Variants in FBXL18 observed in about 807,000 individuals in gnomAD.
FBXL18 encodes the protein F-box and leucine rich repeat protein 18.
FBXL18 carries 36 observed loss-of-function variants against 46.0 expected under a neutral mutation model. The observed-to-expected ratio is 0.78, with a 90% CI of 0.60 to 1.03. The LOEUF (loss-of-function observed/expected upper bound fraction) is 1.03, where lower values mean the gene tolerates loss of function less well. FBXL18 is among the 50% of genes least tolerant of loss of function. FBXL18 has a pLI of 0.00. For synonymous variants in FBXL18, 557 were observed against 465.3 expected (o/e 1.20, Z -2.54); for missense variants, 977 against 1,004.1 (o/e 0.97, Z 0.36).
intron 3 of FBXL18, among the ~76,000 whole-genome samples, chr7:5,500,169 T>G (rs1313323405): frequency 6.6e-6 from 1 of 151,384 alleles, no homozygotes; most frequent in Non-Finnish European, 1.5e-5. Context: ...CCCCACCTAC[T>G]GGCTCTGCTG....
chr7:5,483,096 C>T (rs1320776056), intron 4 of FBXL18, among the ~76,000 whole-genome samples: 1 of 151,428 alleles, frequency 6.6e-6, no homozygotes, highest in Non-Finnish European at 1.5e-5. Flanking sequence ...AAGTGCCAGC[C>T]CGGGAGCTCC....
At chr7:5,485,452 G>A (rs936592508) in intron 4 of FBXL18, among the ~76,000 whole-genome samples, 1 of 152,170 alleles carries the variant, frequency 6.6e-6, no homozygotes, top group Middle Eastern at 3.2e-3. Flanking sequence ...GGCGAGATGT[G>A]CCTCTCTCAA....
chr7:5,497,310 C>T (rs1470724033), intron 3 of FBXL18, among the ~76,000 whole-genome samples: 1 of 152,114 alleles, frequency 6.6e-6, no homozygotes, highest in African/African-American at 2.4e-5. Flanking sequence ...GTCGCCCGTC[C>T]TGGTTCTCCA....
In FBXL18 at chr7:5,500,887, C is replaced by T. The variant is rs769260579; in HGVS notation, c.1382G>A (p.Ser461Asn). Reference sequence around the variant, plus strand: ...GGGGCACGCCTGGCCCGAGAAGGGGCTGGGACAGGACTGCACGCCCACACG... The same window carrying T: ...GGGGCACGCCTGGCCCGAGAAGGGGTTGGGACAGGACTGCACGCCCACACG... The part of the protein sequence containing the change: ...KVRVGVQSCP[S>N]PFSGQACPQP... Residue 461 changes from serine (S) to asparagine (N), a missense_variant, in exon 3 of 5, where the codon AGC (serine) becomes AAC (asparagine). Coordinates refer to ENST00000382368, the MANE Select transcript of FBXL18 (RefSeq NM_024963.6). 6.3e-7 allele frequency: 1 copy of T among 1,595,352 alleles called. No individual in the cohort carries two copies. The highest frequency in any genetic ancestry group is 8.6e-7 in the Non-Finnish European group (1 of 1,169,250).
chr7:5,490,124 G>A (rs536896482), intron 4 of FBXL18: 11 of 1,360,784 alleles, frequency 8.1e-6, no homozygotes, highest in South Asian at 3.4e-5. Flanking sequence ...CAGGGTTGTC[G>A]GCGCCCAGTG....
chr7:5,504,981 C>T (rs937697991), intron 2 of FBXL18, among the ~76,000 whole-genome samples: 8 of 137,580 alleles, frequency 5.8e-5, no homozygotes, highest in East Asian at 2.3e-4. Context: ...ACTGACAGTA[C>T]CAAGTGTTGA....
intron 3 of FBXL18, among the ~76,000 whole-genome samples, chr7:5,497,481 T>A (rs1345593363): frequency 6.6e-6 from 1 of 152,156 alleles, no homozygotes; most frequent in Non-Finnish European, 1.5e-5. Context: ...TTGAAAGTCC[T>A]GGGTTTGATC....
chr7:5,500,940 T>G lies in FBXL18; in HGVS notation c.1329A>C (p.Ala443=), dbSNP rs753011059. Residue 443 remains alanine (A), a synonymous_variant, in exon 3 of 5, where the codon GCA becomes GCC. Coordinates refer to ENST00000382368, the MANE Select transcript of FBXL18 (RefSeq NM_024963.6). The part of the protein sequence containing the change: ...DRAPAQPAMH[A]VPRGFGKKVR... ...CTTTCTTGCCAAAGCCGCGCGGCAC[T>G]GCGTGCATGGCCGGCTGGGCGGGCG... 1 of 1,551,568 alleles carries G rather than the reference T, an allele frequency of 6.4e-7. No homozygotes were observed. Among genetic ancestry groups the G allele is most frequent in the Non-Finnish European group, 8.7e-7 (1 of 1,152,032 alleles).
intron 4 of FBXL18, among the ~76,000 whole-genome samples, chr7:5,486,098 T>TAAATAAAA (rs1584208407): frequency 1.5e-5 from 2 of 132,204 alleles, no homozygotes; most frequent in African/African-American, 2.8e-5. Flanking sequence ...AATAAATAAA[T>TAAATAAAA]AAAAATTTAG....
rs1311592657 is a variant in FBXL18, at chr7:5,480,226, CGG to C, written c.*1547_*1548del. 0.022 allele frequency among the ~76,000 whole-genome samples: 3,291 copies of C among 152,248 alleles called. 128 individuals are homozygous for C. The highest frequency in any genetic ancestry group is 0.074 in the African/African-American group (3,089 of 41,528). ...ACACGGAAACCCAGGAGGAGGAAGG[CGG>C]GCTGGACAAGGGGCCCTTCACCAAG... is the stretch of plus-strand genomic sequence containing the variant. On this transcript the variant is annotated 3_prime_UTR_variant, in exon 5 of 5. Transcript: ENST00000382368.
At chr7:5,500,095 A>AAATTAG (rs1584232600) in intron 3 of FBXL18, among the ~76,000 whole-genome samples, 1 of 1,028 alleles carries the variant, frequency 9.7e-4, no homozygotes, top group East Asian at 0.038. Flanking sequence ...AATTTAAATT[A>AAATTAG]AAAAAAAAAA....
intron 1 of FBXL18, among the ~76,000 whole-genome samples, chr7:5,506,850 A>G (rs1176080960): frequency 1.3e-5 from 2 of 152,198 alleles, no homozygotes; most frequent in Non-Finnish European, 2.9e-5. Flanking sequence ...CTGGCCATGC[A>G]CACTTCCTTT....
intron 4 of FBXL18, among the ~76,000 whole-genome samples, chr7:5,461,045 G>C (rs1429773317): frequency 6.6e-6 from 1 of 152,144 alleles, no homozygotes; most frequent in Non-Finnish European, 1.5e-5. Flanking sequence ...ATTGCCTTCT[G>C]CATTAGGTCC....
At chr7:5,506,757 C>T (rs1220031832) in intron 1 of FBXL18, among the ~76,000 whole-genome samples, 2 of 152,066 alleles carry the variant, frequency 1.3e-5, no homozygotes, top group Non-Finnish European at 2.9e-5. Flanking sequence ...GGGTTTTGCC[C>T]TGTTGGTCAG....
rs773473860 is a variant in FBXL18, at chr7:5,489,305, G to A, written c.2000+1926C>T. On this transcript the variant is annotated intron_variant, in intron 4 of 4. Transcript: ENST00000382368. ...TCCAGTTCATTCTCCAGGGAAAGTTGGCAGCATTCACTGTTGGGAAACCTT... is the reference window on the plus strand; with the variant it reads ...TCCAGTTCATTCTCCAGGGAAAGTTAGCAGCATTCACTGTTGGGAAACCTT... 9.6e-6 allele frequency: 5 copies of A among 518,876 alleles called. No homozygotes were observed. The Admixed American group carries it at 9.7e-5, about 10-fold the overall frequency. 32.1% of individuals were successfully genotyped at this position (518,876 alleles called of 1,614,324 possible). A position where few individuals can be genotyped will look rare whatever the true frequency, so the allele number is the denominator to read the frequency against.
chr7:5,458,693 T>TC (rs1302887030), intron 4 of FBXL18, among the ~76,000 whole-genome samples: 29 of 147,348 alleles, frequency 2.0e-4, no homozygotes, highest in African/African-American at 4.0e-4. Flanking sequence ...CGAGACTCCG[T>TC]CCCCCAAAAA....
chr7:5,507,288 TG>T (rs938364413), intron 1 of FBXL18, among the ~76,000 whole-genome samples: 3 of 152,228 alleles, frequency 2.0e-5, no homozygotes, highest in African/African-American at 7.2e-5. Flanking sequence ...GGAGGTTTCC[TG>T]GGAACTCTGA....
chr7:5,494,987 G>A (rs1784038313), intron 3 of FBXL18, among the ~76,000 whole-genome samples: 1 of 152,226 alleles, frequency 6.6e-6, no homozygotes, highest in African/African-American at 2.4e-5. Flanking sequence ...TGGTCAGGCA[G>A]CGGGCCTGGC....
downstream of FBXL18, among the ~76,000 whole-genome samples, chr7:5,474,266 G>A (rs1372218393): frequency 6.6e-6 from 1 of 151,852 alleles, no homozygotes; most frequent in African/African-American, 2.4e-5. Flanking sequence ...GATGATGGCT[G>A]CACAACACTG....
Sources: allele counts gnomAD v4.1 joint callset (sites outside exome capture counted in the v4.1 genomes callset), GRCh38; gene constraint gnomAD v4.1.1; transcripts MANE v1.5; gene names NCBI Gene and HGNC (gene_info 2026-07-23, HGNC 2026-07-21).